Variants in BNC2 observed in about 807,000 individuals in gnomAD.
The protein encoded by BNC2 is zinc finger protein basonuclin-2.
In BNC2, 20 loss-of-function variants were observed where a neutral mutation model predicts 76.3. The observed-to-expected ratio is 0.26, with a 90% CI of 0.18 to 0.38. BNC2 has a LOEUF of 0.38. Among genes scored for constraint, BNC2 ranks in the 10% least tolerant of loss-of-function variants. The pLI, the probability that BNC2 is intolerant of heterozygous loss-of-function variation, is 1.00. For missense variants in BNC2, 1,382 were observed against 1,399.8 expected (o/e 0.99, Z 0.20); for synonymous variants, 582 against 514.8 (o/e 1.13, Z -1.77).
chr9:16,446,298 A>G (rs934190928), intron 5 of BNC2, among the ~76,000 whole-genome samples: 4 of 152,144 alleles, frequency 2.6e-5, no homozygotes, highest in African/African-American at 9.6e-5. Flanking sequence ...CTACTAGCAA[A>G]AAAAAAGTAC....
At chr9:16,639,204 T>C (rs775684217) in intron 3 of BNC2, among the ~76,000 whole-genome samples, 4 of 152,154 alleles carry the variant, frequency 2.6e-5, no homozygotes, top group Non-Finnish European at 5.9e-5. Flanking sequence ...TAGGAGACAT[T>C]TTATCAAAAC....
intron 1 of BNC2, among the ~76,000 whole-genome samples, chr9:16,846,013 G>T (rs949630985): frequency 4.0e-5 from 6 of 151,856 alleles, no homozygotes; most frequent in Non-Finnish European, 7.4e-5. Flanking sequence ...AGCTGGCCGC[G>T]GTGGCGGGCA....
At chr9:16,724,477 T>A (rs1478977452) in intron 3 of BNC2, among the ~76,000 whole-genome samples, 6 of 152,082 alleles carry the variant, frequency 3.9e-5, no homozygotes, top group Non-Finnish European at 4.4e-5. Flanking sequence ...ACAAGTGTCA[T>A]ACCCTTTAAT....
chr9:16,555,763 C>T (rs562847960), intron 4 of BNC2, among the ~76,000 whole-genome samples: 101 of 152,116 alleles, frequency 6.6e-4, no homozygotes, highest in African/African-American at 2.3e-3. Flanking sequence ...TATCACTGTA[C>T]TCCAGCCTGG....
At chr9:16,504,227 T>C (rs1181184241) in intron 5 of BNC2, among the ~76,000 whole-genome samples, 5 of 151,156 alleles carry the variant, frequency 3.3e-5, no homozygotes, top group Admixed American at 1.3e-4. Flanking sequence ...AAAAAGTAGT[T>C]AGTCATACCA....
intron 3 of BNC2, among the ~76,000 whole-genome samples, chr9:16,596,619 A>C (rs1820089940): frequency 6.6e-6 from 1 of 152,180 alleles, no homozygotes; most frequent in Non-Finnish European, 1.5e-5. Context: ...TACAAAAGGT[A>C]AACAGTAAAA....
At chr9:16,529,800 C>T (rs917366457) in intron 5 of BNC2, among the ~76,000 whole-genome samples, 1 of 152,112 alleles carries the variant, frequency 6.6e-6, no homozygotes, top group African/African-American at 2.4e-5. Context: ...CTAAATAAAT[C>T]CCCAAACCGA....
chr9:16,858,356 G>A (rs955855344), intron 1 of BNC2, among the ~76,000 whole-genome samples: 1 of 152,136 alleles, frequency 6.6e-6, no homozygotes, highest in Non-Finnish European at 1.5e-5. Flanking sequence ...AGGGAACCAG[G>A]AGCTATCATT....
At chr9:16,552,106 CA>C (rs1185152459) in intron 5 of BNC2, among the ~76,000 whole-genome samples, 1 of 151,900 alleles carries the variant, frequency 6.6e-6, no homozygotes, top group East Asian at 1.9e-4. Context: ...CAAAGACAAC[CA>C]AGAAAAACAC....
At chr9:16,763,784 T>A (rs1367119249) in intron 1 of BNC2, among the ~76,000 whole-genome samples, 1 of 152,138 alleles carries the variant, frequency 6.6e-6, no homozygotes, top group Admixed American at 6.5e-5. Context: ...CTGCTAAAAA[T>A]GAACACAACA....
chr9:16,807,926 C>T (rs559618342), intron 1 of BNC2, among the ~76,000 whole-genome samples: 71 of 152,144 alleles, frequency 4.7e-4, no homozygotes, highest in Admixed American at 8.5e-4. Flanking sequence ...AATAAAAGAA[C>T]ATAGGCAAAT....
At chr9:16,636,245 T>C (rs1821321127) in intron 3 of BNC2, among the ~76,000 whole-genome samples, 1 of 152,028 alleles carries the variant, frequency 6.6e-6, no homozygotes, top group Admixed American at 6.6e-5. Context: ...AACATAAAAA[T>C]AAGAAGGTCT....
chr9:16,824,152 C>T (rs188048629), intron 1 of BNC2, among the ~76,000 whole-genome samples: 48 of 152,162 alleles, frequency 3.2e-4, no homozygotes, highest in African/African-American at 1.1e-3. Context: ...AGGCTGTGAC[C>T]GCTACCATTA....
rs375153892 is a variant in BNC2 at position 16,557,228 on chromosome 9, G to A, written c.434-4463C>T. On this transcript the variant is annotated intron_variant, in intron 4 of 6. Coordinates refer to ENST00000380672, the MANE Select transcript of BNC2 (RefSeq NM_017637.6). The stretch of plus-strand genomic sequence containing the variant: ...AAGATTCATTTTCAGGCCAGGCACC[G>A]TGGCTCACACCTGTAATCCCAGCAC... Among the ~76,000 whole-genome samples, 8 of 152,242 alleles carry A rather than the reference G, an allele frequency of 5.3e-5. No homozygotes were observed. The East Asian group carries it at 7.7e-4, about 15-fold the overall frequency.
At chr9:16,840,346 G>T (rs1818797060) in intron 1 of BNC2, among the ~76,000 whole-genome samples, 1 of 152,122 alleles carries the variant, frequency 6.6e-6, no homozygotes, top group Non-Finnish European at 1.5e-5. Context: ...AATGCCCCTG[G>T]CATAAAAGGG....
intron 1 of BNC2, among the ~76,000 whole-genome samples, chr9:16,738,838 C>A (rs1824758458): frequency 6.7e-6 from 1 of 149,408 alleles, no homozygotes; most frequent in South Asian, 2.2e-4. Context: ...CCCCAGCCCC[C>A]CGCCCCGCTC....
At chr9:16,851,382 T>A (rs1440821999) in intron 1 of BNC2, among the ~76,000 whole-genome samples, 1 of 150,408 alleles carries the variant, frequency 6.6e-6, no homozygotes, top group Non-Finnish European at 1.5e-5. Context: ...GGCTCATGCG[T>A]GTAGTCCCAG....
intron 5 of BNC2, among the ~76,000 whole-genome samples, chr9:16,477,701 T>A (rs1439393819): frequency 1.3e-5 from 2 of 152,216 alleles, no homozygotes; most frequent in South Asian, 2.1e-4. Context: ...AGTTTTAACA[T>A]TATAGAATTT....
rs201134930 is a variant in BNC2 at position 16,469,992 on chromosome 9, C to CTTTT, written c.670-32472_670-32469dup. Reference sequence around the variant, plus strand: ...ACACTTGCATGCTGCTAATGGCATTCTTTTTTTTTTTTTTTTTTTTTTTGA... The same window carrying CTTTT: ...ACACTTGCATGCTGCTAATGGCATTCTTTTTTTTTTTTTTTTTTTTTTTTTTTGA... On this transcript the variant is annotated intron_variant, in intron 5 of 6. Transcript: ENST00000380672. Among the ~76,000 whole-genome samples the CTTTT allele has an allele frequency of 2.5e-3, 282 of 114,912 alleles. 2 individuals are homozygous for CTTTT. The highest frequency in any genetic ancestry group is 2.8e-3 in the Non-Finnish European group (165 of 58,196). 75.4% of individuals were successfully genotyped at this position (114,912 alleles called of 152,430 possible).
Sources: gnomAD v4.1 joint callset for allele counts (sites outside exome capture counted in the v4.1 genomes callset) on GRCh38, gnomAD v4.1.1 for gene constraint, MANE v1.5 for transcripts, NCBI Gene and HGNC (gene_info 2026-07-23, HGNC 2026-07-21) for gene names.